DDX10: variants seen among roughly 807,000 people sequenced by gnomAD.
DDX10 encodes DEAD-box helicase 10, also known as probable ATP-dependent RNA helicase DDX10.
In DDX10, 74 loss-of-function variants were observed where a neutral mutation model predicts 104.3. That is an observed-to-expected ratio of 0.71 (90% CI 0.59 to 0.86). The LOEUF is 0.86. Among genes scored for constraint, DDX10 ranks in the 40% least tolerant of loss-of-function variants. The pLI, the probability that DDX10 is intolerant of heterozygous loss-of-function variation, is 0.00. For synonymous variants in DDX10, 351 were observed against 353.4 expected (o/e 0.99, Z 0.08); for missense variants, 952 against 1,040.0 (o/e 0.92, Z 1.16).
intron 11 of DDX10, among the ~76,000 whole-genome samples, chr11:108,716,171 C>T (rs1363457240): frequency 6.6e-6 from 1 of 152,104 alleles, no homozygotes; most frequent in African/African-American, 2.4e-5. Flanking sequence ...TCTCAGCTCA[C>T]TACAACCTCT....
chr11:108,803,687 T>A lies in DDX10; in HGVS notation c.1966-34759T>A, dbSNP rs529457129. ...TACATATGTAAATCTAATTAATCTA[T>A]TGAATTCATGTGAAATATACTTAAA... On this transcript the variant is annotated intron_variant, in intron 13 of 17. Transcript: ENST00000322536. 1.9e-3 allele frequency among the ~76,000 whole-genome samples: 290 copies of A among 152,284 alleles called. 1 individual carries two copies. Among genetic ancestry groups the A allele is most frequent in the African/African-American group, 6.8e-3 (283 of 41,562 alleles).
rs371695601 is a variant in DDX10 at position 108,810,142 on chromosome 11, A to G, written c.1966-28304A>G. Among the ~76,000 whole-genome samples, 126 of 152,278 alleles carry G rather than the reference A, an allele frequency of 8.3e-4. 3 individuals carry two copies. In the South Asian group the frequency reaches 0.024, roughly 29 times the overall value. ...TGAATAGATGGACAATTTCACTACA[A>G]GTATAATATAATAAGTGTTCAAAAT... On this transcript the variant is annotated intron_variant, in intron 13 of 17. Coordinates refer to ENST00000322536, the MANE Select transcript of DDX10 (RefSeq NM_004398.4).
At chr11:108,691,542 T>C (rs2094252524) in intron 7 of DDX10, among the ~76,000 whole-genome samples, 1 of 152,204 alleles carries the variant, frequency 6.6e-6, no homozygotes, top group Non-Finnish European at 1.5e-5. Context: ...AATTGCTGAG[T>C]CTGAGAGGAA....
intron 13 of DDX10, among the ~76,000 whole-genome samples, chr11:108,766,632 C>A (rs1021436989): frequency 2.6e-5 from 4 of 152,106 alleles, no homozygotes; most frequent in African/African-American, 9.7e-5. Context: ...AAATTTTTAA[C>A]AAAACGATAT....
chr11:108,741,445 G>A (rs2094325098), intron 13 of DDX10, among the ~76,000 whole-genome samples: 1 of 152,114 alleles, frequency 6.6e-6, no homozygotes, highest in Non-Finnish European at 1.5e-5. Flanking sequence ...GGGATAGAAT[G>A]TTTTTCCATT....
chr11:108,806,995 T>C (rs1452070887), intron 13 of DDX10, among the ~76,000 whole-genome samples: 1 of 152,214 alleles, frequency 6.6e-6, no homozygotes. Flanking sequence ...AGGTTAAAGA[T>C]GTGATCTTGG....
At chr11:108,896,817 G>A (rs1164269360) in intron 16 of DDX10, among the ~76,000 whole-genome samples, 2 of 151,954 alleles carry the variant, frequency 1.3e-5, no homozygotes, top group Non-Finnish European at 2.9e-5. Flanking sequence ...TAGTGACATT[G>A]TCTGGCCTTG....
intron 13 of DDX10, among the ~76,000 whole-genome samples, chr11:108,834,599 AT>A (rs1193362492): frequency 6.6e-6 from 1 of 152,086 alleles, no homozygotes; most frequent in Non-Finnish European, 1.5e-5. Flanking sequence ...TGTGATTATA[AT>A]TTACTATGTT....
chr11:108,817,153 A>G (rs1360403864), intron 13 of DDX10, among the ~76,000 whole-genome samples: 1 of 152,228 alleles, frequency 6.6e-6, no homozygotes, highest in Non-Finnish European at 1.5e-5. Context: ...CCAAGAACTT[A>G]TCAACATAAA....
Position 108,665,202 on chromosome 11 carries a change from G to A in DDX10, c.49G>A (p.Val17Met), listed in dbSNP as rs1233693341. 3.7e-6 allele frequency: 6 copies of A among 1,613,354 alleles called. No individual in the cohort carries two copies. Among genetic ancestry groups the A allele is most frequent in the Non-Finnish European group, 5.1e-6 (6 of 1,179,782 alleles). The change falls in exon 1 of 18, where the codon GTG (valine) becomes ATG (methionine). Residue 17 changes from valine (V) to methionine (M), a missense_variant. By Grantham distance (21) the Val-to-Met change is conservative. Transcript: ENST00000322536. ...GGGTTCGGGAGCCCGACCCGACCCG[G>A]TGCGGAGCTTCAATCGCTGGAAGAA... is the stretch of plus-strand genomic sequence containing the variant. ...SPGSGARPDP[V>M]RSFNRWKKKH...
At chr11:108,791,312 C>T (rs1337234134) in intron 13 of DDX10, among the ~76,000 whole-genome samples, 1 of 152,180 alleles carries the variant, frequency 6.6e-6, no homozygotes, top group Non-Finnish European at 1.5e-5. Flanking sequence ...TCCCTGCCCT[C>T]GCAGCTGATG....
rs11601830 is a variant in DDX10 at position 108,739,677 on chromosome 11, G to A, written c.1965+16215G>A. The stretch of plus-strand genomic sequence containing the variant: ...CTTTACCCCAATTTGAGAGTGTACC[G>A]TCTGGTAGAAAAAGTATCAGGAATA... On this transcript the variant is annotated intron_variant, in intron 13 of 17. Transcript: ENST00000322536. Among the ~76,000 whole-genome samples, 1,269 of 152,192 alleles carry A rather than the reference G, an allele frequency of 8.3e-3. 15 individuals are homozygous for A. Among genetic ancestry groups the A allele is most frequent in the South Asian group, 0.012 (60 of 4,814 alleles).
intron 10 of DDX10, among the ~76,000 whole-genome samples, chr11:108,711,525 G>C (rs1316223114): frequency 2.0e-5 from 3 of 152,128 alleles, no homozygotes; most frequent in African/African-American, 7.2e-5. Context: ...TAGACGTGGG[G>C]TTTCGCCATG....
At position 108,793,671 on chromosome 11, in the gene DDX10, A is replaced by T. The variant is rs189077338; in HGVS notation, c.1966-44775A>T. On this transcript the variant is annotated intron_variant, in intron 13 of 17. Transcript: ENST00000322536. ...CTTGTATCTTGTGACCTATTTTGAAATATACAATACATTCTTGTTAATTAT... is the reference window on the plus strand; with the variant it reads ...CTTGTATCTTGTGACCTATTTTGAATTATACAATACATTCTTGTTAATTAT... Among the ~76,000 whole-genome samples the T allele has an allele frequency of 2.3e-3, 347 of 151,366 alleles. 1 individual carries two copies. Among genetic ancestry groups the T allele is most frequent in the African/African-American group, 8.2e-3 (332 of 40,662 alleles).
chr11:108,841,460 T>C lies in DDX10; in HGVS notation c.2231T>C (p.Ile744Thr). The C allele has an allele frequency of 1.2e-6, 2 of 1,613,678 alleles. No homozygotes were observed. The highest frequency in any genetic ancestry group is 1.1e-5 in the South Asian group (1 of 90,978). Residue 744 changes from isoleucine to threonine, a missense_variant, in exon 15 of 18, where the codon ATT becomes ACT. Ile to Thr is a moderately conservative substitution (Grantham distance 89, BLOSUM62 -1). Transcript: ENST00000322536. ...GACAAAGAAGAATATAGGAAAAAAA[T>C]TAAGGCAAAGCATCGGGTAAGCTTT... ...KFDKEEYRKK[I>T]KAKHREKRLK...
intron 13 of DDX10, among the ~76,000 whole-genome samples, chr11:108,787,433 A>G (rs1861809868): frequency 6.6e-6 from 1 of 150,654 alleles, no homozygotes; most frequent in Non-Finnish European, 1.5e-5. Flanking sequence ...TCTCAAATAC[A>G]TTTTCCAAGT....
At chr11:108,768,112 C>T (rs1185053738) in intron 13 of DDX10, 1 of 152,128 alleles carries the variant, frequency 6.6e-6, no homozygotes, top group Non-Finnish European at 1.5e-5. Context: ...ATGTGTTAAT[C>T]AACAGTTTAT....
intron 13 of DDX10, among the ~76,000 whole-genome samples, chr11:108,789,192 G>C (rs1036896660): frequency 7.2e-5 from 11 of 152,192 alleles, no homozygotes; most frequent in Admixed American, 2.6e-4. Context: ...TCCTGTTCTT[G>C]TCACACCTTC....
chr11:108,898,167 A>G (rs967917720), intron 16 of DDX10, among the ~76,000 whole-genome samples: 1 of 152,142 alleles, frequency 6.6e-6, no homozygotes, highest in Non-Finnish European at 1.5e-5. Context: ...CCATTAATCC[A>G]TGACACTGGG....
Sources: allele counts gnomAD v4.1 joint callset (sites outside exome capture counted in the v4.1 genomes callset), GRCh38; gene constraint gnomAD v4.1.1; transcripts MANE v1.5; gene names NCBI Gene and HGNC (gene_info 2026-07-23, HGNC 2026-07-21).